NRXN3: variants seen among roughly 807,000 people sequenced by gnomAD.
NRXN3 encodes neurexin III.
Under a neutral mutation model 137.6 loss-of-function variants are expected in NRXN3, and 32 were observed. The ratio of observed to expected loss-of-function variants is 0.23; its 90% CI spans 0.18 to 0.31. The LOEUF is 0.31. Ranked by LOEUF, NRXN3 falls within the 10% of genes least tolerant of loss-of-function variation. The pLI is 1.00. For missense variants in NRXN3, 1,574 were observed against 2,062.5 expected, an observed-to-expected ratio of 0.76 and a Z score of 4.59; for synonymous variants, 798 against 784.5, an observed-to-expected ratio of 1.02 and a Z score of -0.29.
At chr14:78,198,617 A>G (rs1490749550) in intron 1 of NRXN3, among the ~76,000 whole-genome samples, 3 of 152,212 alleles carry the variant, frequency 2.0e-5, no homozygotes, top group Non-Finnish European at 4.4e-5. Flanking sequence ...CTAATGACTT[A>G]TTGTCCTAGC....
At position 78,790,798 on chromosome 14, in the gene NRXN3, G is replaced by A. The variant is rs1595886522; in HGVS notation, c.2045-12822G>A. Among the ~76,000 whole-genome samples, 9 of 152,280 alleles carry A rather than the reference G, an allele frequency of 5.9e-5. 3 individuals are homozygous for A. Among genetic ancestry groups the A allele is most frequent in the Admixed American group, 5.9e-4 (9 of 15,296 alleles). The stretch of plus-strand genomic sequence containing the variant: ...TTTCACAGGAGATGGCTTAAGGGCT[G>A]GTGGGAGTATAGTGCTAGGAATGAA... On this transcript the variant is annotated intron_variant, in intron 8 of 20. Coordinates refer to ENST00000335750, the MANE Select transcript of NRXN3 (RefSeq NM_001330195.2).
intron 4 of NRXN3, among the ~76,000 whole-genome samples, chr14:78,522,045 G>A (rs2096291163): frequency 6.6e-6 from 1 of 152,074 alleles, no homozygotes; most frequent in African/African-American, 2.4e-5. Flanking sequence ...TGTATCACAG[G>A]TTTTTCAAAG....
At chr14:79,753,605 A>C (rs894154074) in intron 19 of NRXN3, among the ~76,000 whole-genome samples, 1 of 151,118 alleles carries the variant, frequency 6.6e-6, no homozygotes, top group Non-Finnish European at 1.5e-5. Context: ...AGCATTAGGA[A>C]ATATAACTAA....
intron 19 of NRXN3, among the ~76,000 whole-genome samples, chr14:79,804,727 C>T (rs2099196759): frequency 1.3e-5 from 2 of 152,196 alleles, no homozygotes; most frequent in South Asian, 4.1e-4. Flanking sequence ...CAATGTATGT[C>T]TGTGTTGCTT....
chr14:79,137,805 T>A (rs370034256), intron 15 of NRXN3, among the ~76,000 whole-genome samples: 3 of 152,190 alleles, frequency 2.0e-5, no homozygotes, highest in African/African-American at 7.2e-5. Context: ...TCCTGGCATA[T>A]GTTTTTTTCT....
At chr14:78,240,570 T>C (rs1031563340) in intron 1 of NRXN3, among the ~76,000 whole-genome samples, 14 of 152,208 alleles carry the variant, frequency 9.2e-5, no homozygotes, top group African/African-American at 3.4e-4. Context: ...CTGGACTCTC[T>C]CCTCTGGATG....
intron 15 of NRXN3, among the ~76,000 whole-genome samples, chr14:79,115,179 G>A (rs575761822): frequency 6.6e-6 from 1 of 152,140 alleles, no homozygotes; most frequent in South Asian, 2.1e-4. Context: ...TACAAAATTA[G>A]ACAGACGTGG....
chr14:78,855,651 T>C (rs1338649333), intron 10 of NRXN3, among the ~76,000 whole-genome samples: 1 of 152,170 alleles, frequency 6.6e-6, no homozygotes, highest in Admixed American at 6.6e-5. Flanking sequence ...CCAGAGGCAA[T>C]GAATGCTACT....
intron 9 of NRXN3, 79 bp downstream of exon 9, chr14:78,803,902 A>G: frequency 7.3e-7 from 1 of 1,372,976 alleles, no homozygotes; most frequent in Non-Finnish European, 1.0e-6. Flanking sequence ...GTTTGATTGA[A>G]TTCTTTGTTT....
rs753301676 is a variant in NRXN3, at chr14:79,645,812, C to G, written c.3445-17966C>G. On this transcript the variant is annotated intron_variant, in intron 16 of 20. Transcript: ENST00000335750. Reference sequence around the variant, plus strand: ...ACCTGATAATGGTGGACCTGGGATACCAGGCTGAAGAGTTTGAAACTTGCC... The same window carrying G: ...ACCTGATAATGGTGGACCTGGGATAGCAGGCTGAAGAGTTTGAAACTTGCC... 1.6e-3 allele frequency among the ~76,000 whole-genome samples: 221 copies of G among 134,900 alleles called. 62 individuals carry two copies. The highest frequency in any genetic ancestry group is 3.8e-4 in the Non-Finnish European group (22 of 58,056). The allele number at this position is 134,900 out of a possible 152,430, so 88.5% of individuals were successfully genotyped here. A position where few individuals can be genotyped will look rare whatever the true frequency, so the allele number is the denominator to read the frequency against.
At chr14:78,986,960 T>C (rs1250877137) in intron 14 of NRXN3, among the ~76,000 whole-genome samples, 1 of 142,786 alleles carries the variant, frequency 7.0e-6, no homozygotes, top group African/African-American at 2.7e-5. Context: ...GAGGTGGAGA[T>C]TGCAGTGAGC....
At chr14:78,926,598 T>TTA (rs558811925) in intron 10 of NRXN3, among the ~76,000 whole-genome samples, 4,338 of 113,800 alleles carry the variant, frequency 0.038, 112 homozygotes, top group South Asian at 0.079. Context: ...AAATACAAAA[T>TTA]TATATATATA....
rs561760802 is a variant in NRXN3, at chr14:79,744,679, C to A, written c.4014+46742C>A. Among the ~76,000 whole-genome samples the A allele has an allele frequency of 1.4e-3, 213 of 152,334 alleles. 1 individual carries two copies. The highest frequency in any genetic ancestry group is 4.9e-3 in the African/African-American group (203 of 41,576). On this transcript the variant is annotated intron_variant, in intron 19 of 20. Coordinates refer to ENST00000335750, the MANE Select transcript of NRXN3 (RefSeq NM_001330195.2). ...TTTAAGGAGTCCCTTTCTCCATAAACACAGCTCTTGTGATGGCTTTGCAGA... is the reference window on the plus strand; with the variant it reads ...TTTAAGGAGTCCCTTTCTCCATAAAAACAGCTCTTGTGATGGCTTTGCAGA...
At chr14:78,646,022 C>G (rs1280561099) in intron 5 of NRXN3, among the ~76,000 whole-genome samples, 1 of 151,830 alleles carries the variant, frequency 6.6e-6, no homozygotes, top group Non-Finnish European at 1.5e-5. Context: ...TGCGGTGGTC[C>G]TACTCTATTG....
In NRXN3 at chr14:79,741,478, T is replaced by C. The variant is rs1022983057; in HGVS notation, c.4014+43541T>C. On this transcript the variant is annotated intron_variant, in intron 19 of 20. Coordinates refer to ENST00000335750, the MANE Select transcript of NRXN3 (RefSeq NM_001330195.2). The stretch of plus-strand genomic sequence containing the variant: ...GTGTGTGTGTGTGTGTGTGTGCATG[T>C]ATATATAATTTTTTGTTGTTGTTTT... Among the ~76,000 whole-genome samples, 5 of 152,022 alleles carry C rather than the reference T, an allele frequency of 3.3e-5. No homozygotes were observed. The East Asian group carries it at 9.6e-4, about 29-fold the overall frequency.
intron 1 of NRXN3, among the ~76,000 whole-genome samples, chr14:78,241,916 T>C (rs752950471): frequency 1.3e-5 from 2 of 152,220 alleles, no homozygotes; most frequent in Non-Finnish European, 2.9e-5. Flanking sequence ...TAAACATTTC[T>C]TTCACAAATT....
Position 78,235,022 on chromosome 14 carries a change from A to ATATATATATATATATG in NRXN3, c.-703-7368_-703-7367insATATATATATATATGT, listed in dbSNP as rs1367992560. Among the ~76,000 whole-genome samples, 11 of 58,106 alleles carry ATATATATATATATATG rather than the reference A, an allele frequency of 1.9e-4. No individual in the cohort carries two copies. The South Asian group carries it at 1.9e-3, about 10-fold the overall frequency. 38.1% of individuals were successfully genotyped at this position (58,106 alleles called of 152,430 possible). ...TATATATATATATATATATATATAT[A>ATATATATATATATATG]TGTGTATATATATATGTGTGTGTGT... On this transcript the variant is annotated intron_variant, in intron 1 of 20. Transcript: ENST00000335750.
At chr14:78,446,454 C>A (rs1018057886) in intron 4 of NRXN3, among the ~76,000 whole-genome samples, 1 of 151,682 alleles carries the variant, frequency 6.6e-6, no homozygotes, top group South Asian at 2.1e-4. Flanking sequence ...GGATGCTTTC[C>A]TCATGGCCTC....
intron 4 of NRXN3, among the ~76,000 whole-genome samples, chr14:78,344,589 C>G (rs1329928351): frequency 6.6e-6 from 1 of 152,200 alleles, no homozygotes; most frequent in Non-Finnish European, 1.5e-5. Flanking sequence ...GGGGGAGCTG[C>G]TGCTCTGACG....
Sources: gnomAD v4.1 joint callset for allele counts (sites outside exome capture counted in the v4.1 genomes callset) on GRCh38, gnomAD v4.1.1 for gene constraint, MANE v1.5 for transcripts, NCBI Gene and HGNC (gene_info 2026-07-23, HGNC 2026-07-21) for gene names.